PPP2R5E: variants seen among roughly 807,000 people sequenced by gnomAD.
PPP2R5E encodes protein phosphatase 2 regulatory subunit B'epsilon, also known as serine/threonine-protein phosphatase 2A 56 kDa regulatory subunit epsilon isoform.
Under a neutral mutation model 65.3 loss-of-function variants are expected in PPP2R5E, and 4 were observed. That is an observed-to-expected ratio of 0.06 (90% CI 0.03 to 0.14). PPP2R5E has a LOEUF of 0.14. Ranked by LOEUF, PPP2R5E falls within the 10% of genes least tolerant of loss-of-function variation. PPP2R5E has a pLI of 1.00. For missense variants in PPP2R5E, 274 were observed against 556.1 expected (o/e 0.49, Z 5.10); for synonymous variants, 183 against 187.4 (o/e 0.98, Z 0.19).
chr14:63,498,172 T>A (rs567833269), intron 2 of PPP2R5E, among the ~76,000 whole-genome samples: 1 of 152,346 alleles, frequency 6.6e-6, no homozygotes, highest in South Asian at 2.1e-4. Flanking sequence ...GAGGGATTTT[T>A]AAAATGTTTG....
intron 5 of PPP2R5E, among the ~76,000 whole-genome samples, chr14:63,401,380 A>AT (rs1261578354): frequency 3.3e-5 from 5 of 152,198 alleles, no homozygotes; most frequent in Admixed American, 2.0e-4. Context: ...CATCCCTAAT[A>AT]TAACAGGTAG....
At chr14:63,383,747 T>C (rs1395189524) in intron 12 of PPP2R5E, among the ~76,000 whole-genome samples, 3 of 152,204 alleles carry the variant, frequency 2.0e-5, no homozygotes, top group Non-Finnish European at 4.4e-5. Flanking sequence ...GCATTCAAAT[T>C]CAGAATGCTT....
intron 2 of PPP2R5E, among the ~76,000 whole-genome samples, chr14:63,510,594 G>A (rs912352834): frequency 6.6e-6 from 1 of 152,232 alleles, no homozygotes; most frequent in African/African-American, 2.4e-5. Flanking sequence ...AAGGAGACAC[G>A]CTGAGTATCC....
intron 5 of PPP2R5E, among the ~76,000 whole-genome samples, chr14:63,404,283 A>G (rs1885943382): frequency 1.3e-5 from 2 of 152,222 alleles, no homozygotes. Flanking sequence ...CATGTAAAGT[A>G]AGATTTTAGA....
intron 3 of PPP2R5E, 23 bp from the exon 4 acceptor site, chr14:63,422,117 G>A (rs775128086): frequency 1.2e-5 from 19 of 1,582,160 alleles, no homozygotes; most frequent in Non-Finnish European, 1.7e-5. Context: ...AAGCAGCAGA[G>A]TTAACGGGAA....
intron 3 of PPP2R5E, among the ~76,000 whole-genome samples, chr14:63,437,126 A>G (rs1326041826): frequency 2.6e-5 from 4 of 152,136 alleles, no homozygotes; most frequent in African/African-American, 9.7e-5. Context: ...CCACATACCA[A>G]CGCCATGGCA....
chr14:63,492,404 A>T (rs145318147), intron 2 of PPP2R5E, among the ~76,000 whole-genome samples: 373 of 152,230 alleles, frequency 2.5e-3, no homozygotes, highest in Non-Finnish European at 3.8e-3. Flanking sequence ...AAAAAATTAA[A>T]CCAAATATAA....
chr14:63,529,603 T>C lies in PPP2R5E; in HGVS notation c.157+9926A>G, dbSNP rs1255775. On this transcript the variant is annotated intron_variant, in intron 2 of 13. Coordinates refer to ENST00000337537, the MANE Select transcript of PPP2R5E (RefSeq NM_006246.5). ...CGTGTTAGCCAGGATGGTCTCGATC[T>C]CCTGACCTCATGATCCACCAACCTC... Among the ~76,000 whole-genome samples the C allele has an allele frequency of 7.7e-3, 1,064 of 138,654 alleles. 15 individuals are homozygous for C. Among genetic ancestry groups the C allele is most frequent in the African/African-American group, 0.027 (1,006 of 37,234 alleles). 91.0% of individuals were successfully genotyped at this position (138,654 alleles called of 152,430 possible). A position where few individuals can be genotyped will look rare whatever the true frequency, so the allele number is the denominator to read the frequency against.
At chr14:63,467,675 G>C (rs1889906581) in intron 2 of PPP2R5E, among the ~76,000 whole-genome samples, 1 of 152,196 alleles carries the variant, frequency 6.6e-6, no homozygotes, top group Non-Finnish European at 1.5e-5. Context: ...AAACGTTTAA[G>C]ATGTCAAATG....
intron 2 of PPP2R5E, among the ~76,000 whole-genome samples, chr14:63,506,331 G>A (rs1350374634): frequency 6.6e-6 from 1 of 152,050 alleles, no homozygotes; most frequent in African/African-American, 2.4e-5. Context: ...GGCGCCTGTA[G>A]TCCCAGCTAC....
At chr14:63,388,814 G>A (rs1010210494) in intron 11 of PPP2R5E, among the ~76,000 whole-genome samples, 1 of 152,194 alleles carries the variant, frequency 6.6e-6, no homozygotes. Context: ...CTGGTTCTGC[G>A]CTAAGAACCA....
At chr14:63,395,322 G>C in intron 6 of PPP2R5E, 37 bp from the exon 7 acceptor site, 1 of 1,437,212 alleles carries the variant, frequency 7.0e-7, no homozygotes, top group East Asian at 2.3e-5. Flanking sequence ...GAAAGGAGGA[G>C]AGGAGGAGGA....
At chr14:63,382,620 C>T (rs927488872) in intron 12 of PPP2R5E, among the ~76,000 whole-genome samples, 2 of 152,040 alleles carry the variant, frequency 1.3e-5, no homozygotes, top group Admixed American at 6.6e-5. Flanking sequence ...AGGCTGGTCT[C>T]GAACTCCCAA....
At chr14:63,457,453 C>T (rs1889182382) in intron 2 of PPP2R5E, among the ~76,000 whole-genome samples, 1 of 152,122 alleles carries the variant, frequency 6.6e-6, no homozygotes, top group African/African-American at 2.4e-5. Context: ...CTCAAAGCTA[C>T]CCACCTCCAA....
At chr14:63,429,321 A>C (rs1044174571) in intron 3 of PPP2R5E, among the ~76,000 whole-genome samples, 12 of 152,240 alleles carry the variant, frequency 7.9e-5, no homozygotes, top group Non-Finnish European at 1.6e-4. Flanking sequence ...CAAGCATATC[A>C]ACTATAAATA....
intron 7 of PPP2R5E, 142 bp from the exon 8 acceptor site, chr14:63,394,070 CTTTTTTTTT>C (rs557273298): frequency 0.027 from 4,873 of 181,192 alleles, 168 homozygotes; most frequent in African/African-American, 0.14. Context: ...TCAGAATTTC[CTTTTTTTTT>C]TTTTTTTTTT....
Position 63,396,723 on chromosome 14 carries a change from T to A in PPP2R5E, c.550-7A>T. 6.2e-7 allele frequency: 1 copy of A among 1,613,120 alleles called. No homozygotes were observed. On this transcript the variant is annotated splice_polypyrimidine_tract_variant and splice_region_variant and intron_variant, in intron 5 of 13. Coordinates refer to ENST00000337537, the MANE Select transcript of PPP2R5E (RefSeq NM_006246.5). The stretch of plus-strand genomic sequence containing the variant: ...TGTCAAATAGCTCCAGAAGCTGTTG[T>A]AAATGAAAGACATTATAGCTGTCAA...
rs557240564 is a variant in PPP2R5E at position 63,486,875 on chromosome 14, G to A, written c.158-32990C>T. On this transcript the variant is annotated intron_variant, in intron 2 of 13. Transcript: ENST00000337537. Reference sequence around the variant, plus strand: ...CTGGCTGATTCCCTGAACCTGATGTGATCTCTCCCATCCTTTGAGCTGCAG... The same window carrying A: ...CTGGCTGATTCCCTGAACCTGATGTAATCTCTCCCATCCTTTGAGCTGCAG... Among the ~76,000 whole-genome samples, 22 of 152,220 alleles carry A rather than the reference G, an allele frequency of 1.4e-4. No individual in the cohort carries two copies. The East Asian group carries it at 3.7e-3, about 25-fold the overall frequency.
At chr14:63,506,678 C>T (rs576917525) in intron 2 of PPP2R5E, among the ~76,000 whole-genome samples, 139 of 152,092 alleles carry the variant, frequency 9.1e-4, no homozygotes, top group African/African-American at 3.1e-3. Flanking sequence ...AAATTAAATC[C>T]CTCATACCTT....
Sources: allele counts gnomAD v4.1 joint callset (sites outside exome capture counted in the v4.1 genomes callset), GRCh38; gene constraint gnomAD v4.1.1; transcripts MANE v1.5; gene names NCBI Gene and HGNC (gene_info 2026-07-23, HGNC 2026-07-21).